The following SLC7A11 variants were observed in gnomAD, a reference collection of about 807,000 sequenced individuals.
SLC7A11 encodes the protein cystine/glutamate transporter.
SLC7A11 carries 35 observed loss-of-function variants against 54.5 expected under a neutral mutation model. The ratio of observed to expected loss-of-function variants is 0.64; its 90% CI spans 0.49 to 0.85. The LOEUF (loss-of-function observed/expected upper bound fraction) is 0.85. Ranked by LOEUF, SLC7A11 falls within the 40% of genes least tolerant of loss-of-function variation. The pLI, the probability that SLC7A11 is intolerant of heterozygous loss-of-function variation, is 0.00. For missense variants in SLC7A11, 583 were observed against 618.1 expected (o/e 0.94, Z 0.60); for synonymous variants, 230 against 225.2 (o/e 1.02, Z -0.19).
chr4:138,239,833 A>G (rs1431058960), intron 1 of SLC7A11, among the ~76,000 whole-genome samples: 3 of 152,252 alleles, frequency 2.0e-5, no homozygotes, highest in Non-Finnish European at 4.4e-5. Flanking sequence ...ATTGAATCAC[A>G]TAGTGGAAGC....
Position 138,182,322 on chromosome 4 carries a change from G to A in SLC7A11, c.1091C>T (p.Thr364Ile). Residue 364 changes from threonine (T) to isoleucine (I), a missense_variant, in exon 9 of 12, where the codon ACT (threonine) becomes ATT (isoleucine). Coordinates refer to ENST00000280612, the MANE Select transcript of SLC7A11 (RefSeq NM_014331.4). ...CAAAACAATAACAGCTGGTAGAGGA[G>A]TGTGCTTGCGGACATGAATCATGGA... is the stretch of plus-strand genomic sequence containing the variant. ...ILSMIHVRKH[T>I]PLPAVIVLHP... The A allele has an allele frequency of 6.2e-7, 1 of 1,609,968 alleles. No individual in the cohort carries two copies. The highest frequency in any genetic ancestry group is 8.5e-7 in the Non-Finnish European group (1 of 1,176,652).
At chr4:138,196,784 C>T (rs995997345) in intron 6 of SLC7A11, among the ~76,000 whole-genome samples, 10 of 152,068 alleles carry the variant, frequency 6.6e-5, no homozygotes, top group South Asian at 4.2e-4. Flanking sequence ...TTCAGCCTCC[C>T]GAGTAGCTGG....
At chr4:138,181,656 C>A (rs1048304927) in intron 9 of SLC7A11, among the ~76,000 whole-genome samples, 1 of 152,092 alleles carries the variant, frequency 6.6e-6, no homozygotes, top group African/African-American at 2.4e-5. Context: ...GTTACAAAAT[C>A]ATCAGTAAAA....
intron 11 of SLC7A11, chr4:138,174,650 C>G (rs1736523312): frequency 6.6e-6 from 1 of 152,166 alleles, no homozygotes; most frequent in South Asian, 2.1e-4. Flanking sequence ...CCGGGGAAAG[C>G]TGCAGAGTAT....
At chr4:138,205,942 T>C (rs1036371717) in intron 6 of SLC7A11, among the ~76,000 whole-genome samples, 7 of 152,068 alleles carry the variant, frequency 4.6e-5, no homozygotes, top group African/African-American at 1.4e-4. Context: ...TTGACCCATC[T>C]TTTATGCCAG....
chr4:138,196,523 A>G (rs1283728782), intron 6 of SLC7A11, among the ~76,000 whole-genome samples: 2 of 152,110 alleles, frequency 1.3e-5, no homozygotes, highest in Non-Finnish European at 1.5e-5. Flanking sequence ...GAGCAACACA[A>G]TTGTGTTTTG....
In SLC7A11 at chr4:138,167,871, CAACT is replaced by C. The variant is rs1046050587; in HGVS notation, c.*4081_*4084del. The C allele has an allele frequency of 2.0e-5, 3 of 152,026 alleles. No homozygotes were observed. Among genetic ancestry groups the C allele is most frequent in the Non-Finnish European group, 4.4e-5 (3 of 68,020 alleles). 9.4% of individuals were successfully genotyped at this position (152,026 alleles called of 1,614,324 possible). On this transcript the variant is annotated 3_prime_UTR_variant, in exon 12 of 12. Coordinates refer to ENST00000280612, the MANE Select transcript of SLC7A11 (RefSeq NM_014331.4). Reference sequence around the variant, plus strand: ...CCCACATCTCTCTATATTTCTTTCCCAACTAAGAGCTATAATTAAAATCCCATTT... The same window carrying C: ...CCCACATCTCTCTATATTTCTTTCCCAAGAGCTATAATTAAAATCCCATTT...
intron 3 of SLC7A11, among the ~76,000 whole-genome samples, chr4:138,231,187 T>C (rs1000908543): frequency 5.9e-5 from 9 of 151,808 alleles, no homozygotes; most frequent in African/African-American, 2.2e-4. Context: ...CTCAGAGAGA[T>C]GAGAGGGTAG....
chr4:138,234,718 A>T (rs1474162986), intron 2 of SLC7A11, among the ~76,000 whole-genome samples: 2 of 152,202 alleles, frequency 1.3e-5, no homozygotes, highest in African/African-American at 4.8e-5. Flanking sequence ...TATCTGTGCT[A>T]CTGTAAGATA....
rs749467224 is a variant in SLC7A11 at position 138,236,322 on chromosome 4, T to C, written c.404+3A>G. On this transcript the variant is annotated splice_donor_region_variant and intron_variant, in intron 2 of 11. Coordinates refer to ENST00000280612, the MANE Select transcript of SLC7A11 (RefSeq NM_014331.4). ...TTCTTAATTCTTTCTACTATGCTCTTACCGTATTATGAGGAGTTCCACCCA... is the reference window on the plus strand; with the variant it reads ...TTCTTAATTCTTTCTACTATGCTCTCACCGTATTATGAGGAGTTCCACCCA... 10 of 1,603,730 alleles carry C rather than the reference T, an allele frequency of 6.2e-6. No individual in the cohort carries two copies. Among genetic ancestry groups the C allele is most frequent in the Non-Finnish European group, 8.5e-6 (10 of 1,176,952 alleles).
At chr4:138,179,666 A>C (rs1243393765) in intron 10 of SLC7A11, among the ~76,000 whole-genome samples, 1 of 152,162 alleles carries the variant, frequency 6.6e-6, no homozygotes, top group Non-Finnish European at 1.5e-5. Context: ...TGGATACTTT[A>C]TTAGAGATGT....
intron 5 of SLC7A11, among the ~76,000 whole-genome samples, chr4:138,216,147 A>G (rs1019127037): frequency 6.6e-5 from 10 of 152,184 alleles, no homozygotes; most frequent in African/African-American, 2.4e-4. Context: ...GAATGCTCAT[A>G]AGATCTATTG....
chr4:138,239,671 CTT>C (rs146773224), intron 1 of SLC7A11, among the ~76,000 whole-genome samples: 1 of 152,004 alleles, frequency 6.6e-6, no homozygotes, highest in African/African-American at 2.4e-5. Context: ...CTGTTTCTCT[CTT>C]TTTATTTTTT....
At chr4:138,178,925 G>A (rs1211705726) in intron 11 of SLC7A11, among the ~76,000 whole-genome samples, 3 of 152,040 alleles carry the variant, frequency 2.0e-5, no homozygotes, top group African/African-American at 4.8e-5. Flanking sequence ...GTTAGTAAAG[G>A]ATTCAAAGAG....
At chr4:138,188,351 C>T (rs945198530) in intron 6 of SLC7A11, among the ~76,000 whole-genome samples, 7 of 152,146 alleles carry the variant, frequency 4.6e-5, no homozygotes, top group African/African-American at 1.4e-4. Flanking sequence ...GCATGAGCCA[C>T]GACGCCCAGC....
At chr4:138,184,221 T>C (rs185245861) in intron 7 of SLC7A11, among the ~76,000 whole-genome samples, 5 of 152,262 alleles carry the variant, frequency 3.3e-5, no homozygotes, top group East Asian at 1.9e-4. Context: ...CTTAGAGCAG[T>C]GGTCGAAGTC....
intron 11 of SLC7A11, among the ~76,000 whole-genome samples, chr4:138,173,134 T>C (rs1170701316): frequency 1.3e-5 from 2 of 151,886 alleles, no homozygotes; most frequent in East Asian, 3.9e-4. Flanking sequence ...TGAGCCACCA[T>C]GCCCAGCCAG....
intron 7 of SLC7A11, among the ~76,000 whole-genome samples, chr4:138,183,938 T>C (rs548062046): frequency 6.6e-6 from 1 of 152,152 alleles, no homozygotes; most frequent in East Asian, 1.9e-4. Flanking sequence ...AACACAAATA[T>C]AAGTCCGATA....
intron 5 of SLC7A11, among the ~76,000 whole-genome samples, chr4:138,215,761 A>C (rs1467766758): frequency 6.7e-6 from 1 of 149,270 alleles, no homozygotes; most frequent in Non-Finnish European, 1.5e-5. Flanking sequence ...AAAAAGAAAA[A>C]AAAACACATG....
Sources: gnomAD v4.1 joint callset for allele counts (sites outside exome capture counted in the v4.1 genomes callset) on GRCh38, gnomAD v4.1.1 for gene constraint, MANE v1.5 for transcripts, NCBI Gene and HGNC (gene_info 2026-07-23, HGNC 2026-07-21) for gene names.